The following FUS variants were observed in gnomAD, a reference collection of about 807,000 sequenced individuals.
FUS encodes FUS RNA binding protein.
In FUS, 5 loss-of-function variants were observed where a neutral mutation model predicts 82.7. The observed-to-expected ratio is 0.06, with a 90% CI of 0.03 to 0.13. FUS has a LOEUF of 0.13. Ranked by LOEUF, FUS falls within the 10% of genes least tolerant of loss-of-function variation. The pLI is 1.00. For missense variants in FUS, 512 were observed against 707.8 expected (o/e 0.72, Z 3.14); for synonymous variants, 281 against 247.4 (o/e 1.14, Z -1.27).
chr16:31,184,442 T>C (rs760998667), intron 5 of FUS, 46 bp downstream of exon 5: 19 of 1,393,566 alleles, frequency 1.4e-5, no homozygotes, highest in East Asian at 5.3e-5. Flanking sequence ...CTTTTTCTTT[T>C]TTTTTTTTTT....
chr16:31,192,982 A>G (rs1392361354), downstream of FUS: 6 of 483,314 alleles, frequency 1.2e-5, no homozygotes, highest in Admixed American at 4.6e-5. Flanking sequence ...ATTTTTTGAG[A>G]TGGAGTTTTG....
At chr16:31,191,633 TC>T, downstream of FUS, 1 of 718,170 alleles carries the variant, frequency 1.4e-6, no homozygotes, top group South Asian at 1.5e-5. Context: ...CTTTTCACTT[TC>T]CTGGAAGATC....
downstream of FUS, chr16:31,192,583 C>CA (rs371413829): frequency 3.5e-5 from 17 of 479,824 alleles, no homozygotes; most frequent in South Asian, 2.0e-4. Flanking sequence ...TTTTTAGAGA[C>CA]AGAGTCTTGC....
chr16:31,185,520 C>A (rs1055264388), intron 6 of FUS: 11 of 575,478 alleles, frequency 1.9e-5, no homozygotes, highest in African/African-American at 1.8e-4. Flanking sequence ...CAAGGGAAAC[C>A]GATGATCCCA....
At chr16:31,192,886 TC>T (rs2079379579), downstream of FUS, 1 of 485,922 alleles carries the variant, frequency 2.1e-6, no homozygotes, top group South Asian at 1.5e-5. Flanking sequence ...TCTCAAATTT[TC>T]AAGTGTTCCA....
At chr16:31,193,070 G>A (rs1240583859), downstream of FUS, 11 of 484,448 alleles carry the variant, frequency 2.3e-5, no homozygotes, top group Non-Finnish European at 1.6e-5. Flanking sequence ...TCAAGCGATA[G>A]CTGGGATTAC....
chr16:31,182,551 C>G lies in FUS; in HGVS notation c.77C>G (p.Ser26Cys). 1 of 1,614,130 alleles carries G rather than the reference C, an allele frequency of 6.2e-7. No homozygotes were observed. Among genetic ancestry groups the G allele is most frequent in the East Asian group, 2.2e-5 (1 of 44,876 alleles). The change falls in exon 3 of 15, where the codon TCC becomes TGC. Residue 26 changes from serine to cysteine, a missense_variant. Physicochemically the swap from Ser to Cys is moderately radical, Grantham distance 112 (BLOSUM62 -1). Coordinates refer to ENST00000254108, the MANE Select transcript of FUS (RefSeq NM_004960.4). ...CCCACCCAGCCCGGGCAGGGCTATT[C>G]CCAGCAGAGCAGTCAGCCCTACGGA... is the stretch of plus-strand genomic sequence containing the variant. ...AYPTQPGQGY[S>C]QQSSQPYGQQ... is the part of the protein sequence containing the mutation.
At chr16:31,192,659 T>A, downstream of FUS, 1 of 482,928 alleles carries the variant, frequency 2.1e-6, no homozygotes, top group Non-Finnish European at 4.1e-6. Context: ...CTCCTGAGTT[T>A]AAGCGATTCT....
chr16:31,181,718 T>C (rs1336472386), intron 1 of FUS, among the ~76,000 whole-genome samples: 1 of 152,204 alleles, frequency 6.6e-6, no homozygotes, highest in Non-Finnish European at 1.5e-5. Context: ...TTGGGAGAGT[T>C]AGTCTCTTGA....
At position 31,182,662 on chromosome 16, in the gene FUS, A is replaced by G. The variant is rs140883211; in HGVS notation, c.188A>G (p.Asn63Ser). The G allele has an allele frequency of 1.7e-4, 281 of 1,614,222 alleles. No homozygotes were observed. In the Middle Eastern group the frequency reaches 3.5e-3, roughly 20 times the overall value. The change falls in exon 3 of 15, where the codon AAC (asparagine) becomes AGC (serine). Residue 63 changes from asparagine (N) to serine (S), a missense_variant and splice_region_variant. By Grantham distance (46) the Asn-to-Ser change is conservative (BLOSUM62 1). Transcript: ENST00000254108. ...TATTCTTCTTATGGCCAGAGCCAGAACAGTGAGTCTTTCTCAGCGGGTCAC... is the reference window on the plus strand; with the variant it reads ...TATTCTTCTTATGGCCAGAGCCAGAGCAGTGAGTCTTTCTCAGCGGGTCAC... ...SSYSSYGQSQ[N>S]TGYGTQSTPQ...
At chr16:31,189,277 A>G (rs763773769) in intron 9 of FUS, 51 bp downstream of exon 9, 3 of 1,278,894 alleles carry the variant, frequency 2.3e-6, no homozygotes, top group Non-Finnish European at 3.4e-6. Context: ...AGGCTTGTGG[A>G]TTTCACACAT....
intron 12 of FUS, 98 bp downstream of exon 12, chr16:31,190,496 C>T: frequency 1.3e-6 from 2 of 1,557,784 alleles, no homozygotes; most frequent in East Asian, 2.2e-5. Flanking sequence ...AAGTAAATGT[C>T]AAGGCCACAC....
At chr16:31,181,617 C>G (rs748842134) in intron 1 of FUS, among the ~76,000 whole-genome samples, 13 of 152,124 alleles carry the variant, frequency 8.5e-5, no homozygotes, top group Non-Finnish European at 1.8e-4. Flanking sequence ...TTGAGACTTT[C>G]TTATTCTGTG....
downstream of FUS, chr16:31,193,523 TGGA>T: frequency 1.9e-6 from 1 of 529,574 alleles, no homozygotes; most frequent in East Asian, 4.0e-5. Context: ...CTGTTAGGAG[TGGA>T]GGAGGTCGAA....
At chr16:31,190,664 G>A (rs1351606123) in intron 12 of FUS, 78 bp from the exon 13 acceptor site, 1 of 1,379,184 alleles carries the variant, frequency 7.3e-7, no homozygotes, top group South Asian at 1.2e-5. Context: ...TATCTCTAAA[G>A]TCACCGTAGT....
chr16:31,188,616 A>G (rs539214786), intron 8 of FUS: 1 of 578,308 alleles, frequency 1.7e-6, no homozygotes, highest in South Asian at 2.1e-5. Flanking sequence ...GTCCCCAGTG[A>G]TGCTGATGCG....
intron 3 of FUS, 133 bp from the exon 4 acceptor site, chr16:31,183,725 A>G (rs2079215488): frequency 1.9e-6 from 2 of 1,056,342 alleles, no homozygotes; most frequent in East Asian, 4.7e-5. Context: ...ATCTTTGCCT[A>G]TGAGTTGCAA....
At position 31,182,472 on chromosome 16, in the gene FUS, A is replaced by G. The variant is rs377225901; in HGVS notation, c.39-41A>G. 31 of 1,614,074 alleles carry G rather than the reference A, an allele frequency of 1.9e-5. 1 individual carries two copies. The highest frequency in any genetic ancestry group is 2.3e-5 in the Non-Finnish European group (27 of 1,180,040). On this transcript the variant is annotated intron_variant, in intron 2 of 14. Transcript: ENST00000254108. ...GAGTTTGTAGAGGGCAAGGGTGGTC[A>G]CGCCATGTTTTCTGATCACGCTGGT...
In FUS at chr16:31,183,934, G is replaced by A. The variant is rs761222382; in HGVS notation, c.267G>A (p.Ser89=). The A allele has an allele frequency of 1.4e-5, 22 of 1,613,882 alleles. No homozygotes were observed. The highest frequency in any genetic ancestry group is 1.1e-4 in the South Asian group (10 of 91,056). The change falls in exon 4 of 15, where the codon TCG becomes TCA. Residue 89 remains serine, a synonymous_variant. Transcript: ENST00000254108. ...GGYGSSQSSQ[S]SYGQQSSYPG... is the part of the protein sequence containing the mutation. ...ATGGCAGTAGCCAGAGCTCCCAATC[G>A]TCTTACGGGCAGCAGTCCTCCTACC... is the stretch of plus-strand genomic sequence containing the variant.
Sources: gnomAD v4.1 joint callset for allele counts (sites outside exome capture counted in the v4.1 genomes callset) on GRCh38, gnomAD v4.1.1 for gene constraint, MANE v1.5 for transcripts, NCBI Gene and HGNC (gene_info 2026-07-23, HGNC 2026-07-21) for gene names.